The following CACNA2D1 variants were observed in gnomAD, a reference collection of about 807,000 sequenced individuals.
CACNA2D1 encodes the protein calcium voltage-gated channel auxiliary subunit alpha2delta 1.
A neutral mutation model predicts 171.5 loss-of-function variants in CACNA2D1; 53 were observed. The ratio of observed to expected loss-of-function variants is 0.31; its 90% CI spans 0.25 to 0.39. CACNA2D1 has a LOEUF of 0.39. Among genes scored for constraint, CACNA2D1 ranks in the 10% least tolerant of loss-of-function variants. CACNA2D1 has a pLI of 1.00. For synonymous variants in CACNA2D1, 442 were observed against 443.1 expected (o/e 1.00, Z 0.03); for missense variants, 903 against 1,299.8 (o/e 0.69, Z 4.69).
intron 3 of CACNA2D1, among the ~76,000 whole-genome samples, chr7:82,214,640 T>C (rs1195403265): frequency 6.6e-6 from 1 of 152,172 alleles, no homozygotes; most frequent in Non-Finnish European, 1.5e-5. Context: ...CTTAAAATAA[T>C]GGGCATAGTT....
At chr7:81,985,350 T>C (rs141524876) in intron 21 of CACNA2D1, among the ~76,000 whole-genome samples, 146 of 151,980 alleles carry the variant, frequency 9.6e-4, no homozygotes, top group Non-Finnish European at 4.7e-4. Context: ...CATAGGCACA[T>C]GCCACCACGC....
chr7:82,147,281 A>C (rs1793255753), intron 4 of CACNA2D1, among the ~76,000 whole-genome samples: 1 of 152,088 alleles, frequency 6.6e-6, no homozygotes, highest in Non-Finnish European at 1.5e-5. Context: ...CATCTGATAA[A>C]CTTTAATAGG....
At chr7:81,951,147 G>T (rs374299111) in intron 38 of CACNA2D1, among the ~76,000 whole-genome samples, 1 of 152,004 alleles carries the variant, frequency 6.6e-6, no homozygotes, top group East Asian at 1.9e-4. Context: ...GCTAGGAAGA[G>T]ATTTGTCTTG....
chr7:82,437,598 T>C (rs1830202065), intron 1 of CACNA2D1, among the ~76,000 whole-genome samples: 2 of 152,182 alleles, frequency 1.3e-5, no homozygotes, highest in South Asian at 4.1e-4. Flanking sequence ...TTGCTTTATA[T>C]ATAACAGCCT....
chr7:82,331,085 ATTACT>A (rs1251956844), intron 3 of CACNA2D1, among the ~76,000 whole-genome samples: 1 of 152,154 alleles, frequency 6.6e-6, no homozygotes, highest in Non-Finnish European at 1.5e-5. Flanking sequence ...ACTGGCAAAC[ATTACT>A]TATTAGATAT....
chr7:82,116,967 T>C (rs1343571065), intron 6 of CACNA2D1, 77 bp downstream of exon 6: 9 of 1,501,686 alleles, frequency 6.0e-6, no homozygotes, highest in African/African-American at 1.4e-5. Context: ...TGCTCTTTTT[T>C]TTCCCCCTCA....
chr7:82,006,715 C>T (rs779326328), intron 16 of CACNA2D1, among the ~76,000 whole-genome samples: 2 of 151,884 alleles, frequency 1.3e-5, no homozygotes, highest in African/African-American at 2.4e-5. Flanking sequence ...TCTGTGAACA[C>T]GTATGAGAAA....
chr7:82,209,081 T>C (rs74832010), intron 3 of CACNA2D1, among the ~76,000 whole-genome samples: 40,870 of 151,876 alleles, frequency 0.27, 6,742 homozygotes, highest in Non-Finnish European at 0.37. Flanking sequence ...TCCAGATTCA[T>C]ACACATTCCA....
chr7:81,953,452 A>G (rs1467988728), intron 38 of CACNA2D1, among the ~76,000 whole-genome samples: 1 of 152,112 alleles, frequency 6.6e-6, no homozygotes, highest in Non-Finnish European at 1.5e-5. Context: ...CAACAGGCCA[A>G]GCTGTTTACT....
chr7:82,001,075 T>G (rs1368339936), intron 18 of CACNA2D1, among the ~76,000 whole-genome samples: 1 of 152,124 alleles, frequency 6.6e-6, no homozygotes, highest in South Asian at 2.1e-4. Flanking sequence ...TACTGTGCAT[T>G]TAGAAATATT....
intron 3 of CACNA2D1, among the ~76,000 whole-genome samples, chr7:82,192,139 A>T (rs1798360448): frequency 6.6e-6 from 1 of 151,636 alleles, no homozygotes; most frequent in African/African-American, 2.4e-5. Flanking sequence ...GAACTTTCAA[A>T]TTTAATGTAA....
chr7:82,095,560 T>C (rs146364423), intron 6 of CACNA2D1, among the ~76,000 whole-genome samples: 3 of 152,170 alleles, frequency 2.0e-5, no homozygotes, highest in Non-Finnish European at 4.4e-5. Context: ...AAACATTATG[T>C]ACAATAGCTA....
At chr7:82,426,298 T>C (rs535712432) in intron 1 of CACNA2D1, among the ~76,000 whole-genome samples, 37 of 152,224 alleles carry the variant, frequency 2.4e-4, no homozygotes, top group African/African-American at 8.4e-4. Context: ...GGATCTAACA[T>C]GTATTTCTAA....
intron 4 of CACNA2D1, among the ~76,000 whole-genome samples, chr7:82,162,367 T>C (rs2129134651): frequency 6.6e-6 from 1 of 152,044 alleles, no homozygotes; most frequent in African/African-American, 2.4e-5. Context: ...AAAAAACTTT[T>C]TGATTAACGA....
At chr7:82,253,317 C>G (rs574736561) in intron 3 of CACNA2D1, among the ~76,000 whole-genome samples, 1 of 152,046 alleles carries the variant, frequency 6.6e-6, no homozygotes, top group Non-Finnish European at 1.5e-5. Context: ...GAAACACAGA[C>G]CAGAAATGAT....
intron 21 of CACNA2D1, among the ~76,000 whole-genome samples, chr7:81,990,532 T>C (rs1797431763): frequency 1.3e-5 from 2 of 150,512 alleles, no homozygotes; most frequent in Admixed American, 1.3e-4. Flanking sequence ...GATTAAAAGA[T>C]GGGAATTTCA....
chr7:82,025,351 C>T (rs1257555806), intron 12 of CACNA2D1, among the ~76,000 whole-genome samples: 2 of 151,418 alleles, frequency 1.3e-5, no homozygotes, highest in African/African-American at 2.4e-5. Flanking sequence ...TATAAAACTC[C>T]TTTGTTAAGT....
chr7:82,399,815 C>T (rs1826161843), intron 1 of CACNA2D1, among the ~76,000 whole-genome samples: 1 of 151,468 alleles, frequency 6.6e-6, no homozygotes, highest in Admixed American at 6.6e-5. Context: ...TGCAACTGAC[C>T]CCTACCTTCA....
intron 3 of CACNA2D1, among the ~76,000 whole-genome samples, chr7:82,209,624 TA>T (rs1460691209): frequency 6.6e-6 from 1 of 152,164 alleles, no homozygotes; most frequent in Non-Finnish European, 1.5e-5. Context: ...TATAAGAAGA[TA>T]GATTCCAACA....
Sources: gnomAD v4.1 joint callset for allele counts (sites outside exome capture counted in the v4.1 genomes callset) on GRCh38, gnomAD v4.1.1 for gene constraint, MANE v1.5 for transcripts, NCBI Gene and HGNC (gene_info 2026-07-23, HGNC 2026-07-21) for gene names.